Variants in CIMAP2 observed in about 807,000 individuals in gnomAD.
The protein encoded by CIMAP2 is ciliary microtubule associated protein 2.
the CIMAP2 span, among the ~76,000 whole-genome samples, chr1:54,829,782 C>T: frequency 2.6e-5 from 4 of 152,020 alleles, no homozygotes; most frequent in African/African-American, 9.7e-5. Context: ...TCTCATCTTT[C>T]GAAGATATTA....
the CIMAP2 span, among the ~76,000 whole-genome samples, chr1:54,840,023 T>G: frequency 4.6e-5 from 7 of 152,228 alleles, no homozygotes; most frequent in Admixed American, 2.6e-4. Flanking sequence ...GTGCTGGGAC[T>G]ACAGGCATGA....
chr1:54,807,191 CCTT>C, the CIMAP2 span: 2 of 1,243,190 alleles, frequency 1.6e-6, no homozygotes, highest in South Asian at 2.4e-5. Flanking sequence ...GTACTTTCTA[CCTT>C]CTTCCAGCAC....
chr1:54,841,608 A>G, the CIMAP2 span: 2 of 1,614,190 alleles, frequency 1.2e-6, no homozygotes, highest in East Asian at 2.2e-5. Context: ...CTGTAATCCC[A>G]TCCTTAGAAT....
the CIMAP2 span, among the ~76,000 whole-genome samples, chr1:54,833,909 C>T: frequency 6.6e-6 from 1 of 152,078 alleles, no homozygotes; most frequent in Non-Finnish European, 1.5e-5. Context: ...GATGCAATGG[C>T]TCATTGCAAC....
chr1:54,819,076 A>C, the CIMAP2 span, among the ~76,000 whole-genome samples: 1 of 152,134 alleles, frequency 6.6e-6, no homozygotes, highest in African/African-American at 2.4e-5. Context: ...AGTGATTGGC[A>C]GGGGCCCTGG....
At chr1:54,816,537 G>A in the CIMAP2 span, among the ~76,000 whole-genome samples, 3 of 152,168 alleles carry the variant, frequency 2.0e-5, no homozygotes, top group Admixed American at 6.5e-5. Context: ...TTCTGGAGGC[G>A]AGAAGTCTGA....
the CIMAP2 span, among the ~76,000 whole-genome samples, chr1:54,834,836 A>C: frequency 2.0e-5 from 3 of 152,222 alleles, no homozygotes; most frequent in Non-Finnish European, 2.9e-5. Context: ...TCGGTGCTCA[A>C]AAAGTTTTAG....
At chr1:54,807,888 G>A in the CIMAP2 span, 1 of 1,576,050 alleles carries the variant, frequency 6.3e-7, no homozygotes, top group Non-Finnish European at 8.6e-7. Context: ...TCTTGGCACA[G>A]GAGCAAAAGC....
the CIMAP2 span, among the ~76,000 whole-genome samples, chr1:54,820,469 C>T: frequency 1.1e-4 from 16 of 152,044 alleles, no homozygotes; most frequent in East Asian, 5.8e-4. Flanking sequence ...TGAGCCACTA[C>T]GCCTGGCCTA....
chr1:54,819,814 T>TTCTCTC, the CIMAP2 span, among the ~76,000 whole-genome samples: 1 of 76,828 alleles, frequency 1.3e-5, no homozygotes, highest in Admixed American at 1.4e-4. Flanking sequence ...CTTTTTCTTT[T>TTCTCTC]TCTTTCTTTC....
At chr1:54,812,027 C>T in the CIMAP2 span, 2 of 1,614,174 alleles carry the variant, frequency 1.2e-6, no homozygotes, top group South Asian at 1.1e-5. Context: ...CAGGCCTCAT[C>T]ACCTCTGCTG....
the CIMAP2 span, among the ~76,000 whole-genome samples, chr1:54,827,600 A>G: frequency 6.6e-6 from 1 of 152,182 alleles, no homozygotes; most frequent in Admixed American, 6.5e-5. Context: ...AGTTGCTCAG[A>G]GAAGACTTCC....
At chr1:54,826,555 G>T in the CIMAP2 span, among the ~76,000 whole-genome samples, 8 of 152,198 alleles carry the variant, frequency 5.3e-5, no homozygotes, top group African/African-American at 1.9e-4. Context: ...TTGGGTATCA[G>T]GGGATCGGTG....
chr1:54,815,067 TG>T, the CIMAP2 span: 10 of 1,612,320 alleles, frequency 6.2e-6, no homozygotes, highest in Admixed American at 1.3e-4. Flanking sequence ...GAGGGATACA[TG>T]GGAACTCTCT....
chr1:54,835,130 A>G, the CIMAP2 span, among the ~76,000 whole-genome samples: 1 of 152,248 alleles, frequency 6.6e-6, no homozygotes, highest in Non-Finnish European at 1.5e-5. Context: ...CTCTGTAACG[A>G]CAGTAATAAA....
chr1:54,811,765 G>GCCGGGCGGGGGCGCCCCCCCCCC, the CIMAP2 span: 1 of 1,301,332 alleles, frequency 7.7e-7, no homozygotes, highest in Non-Finnish European at 1.1e-6. Flanking sequence ...GGTTCTGACA[G>GCCGGGCGGGGGCGCCCCCCCCCC]CCTCCATGCC....
At chr1:54,835,251 G>A in the CIMAP2 span, among the ~76,000 whole-genome samples, 1 of 152,144 alleles carries the variant, frequency 6.6e-6, no homozygotes, top group Non-Finnish European at 1.5e-5. Context: ...GAGTGCAGTG[G>A]TGCAATGTTG....
the CIMAP2 span, chr1:54,811,802 T>G: frequency 2.3e-6 from 2 of 870,128 alleles, no homozygotes; most frequent in South Asian, 2.6e-5. Context: ...AGAACTACTA[T>G]CCAGGCCCTG....
At chr1:54,811,767 C>CGGCGGGGG in the CIMAP2 span, 2 of 1,088,170 alleles carry the variant, frequency 1.8e-6, no homozygotes, top group Non-Finnish European at 2.7e-6. Context: ...TTCTGACAGC[C>CGGCGGGGG]TCCATGCCCC....
Sources: gnomAD v4.1 joint callset for allele counts (sites outside exome capture counted in the v4.1 genomes callset) on GRCh38, gnomAD v4.1.1 for gene constraint, MANE v1.5 for transcripts, NCBI Gene and HGNC (gene_info 2026-07-23, HGNC 2026-07-21) for gene names.